F5: variants seen among roughly 807,000 people sequenced by gnomAD.
F5 encodes the protein coagulation factor V.
In F5, 138 loss-of-function variants were observed where a neutral mutation model predicts 216.4. The ratio of observed to expected loss-of-function variants is 0.64; its 90% CI spans 0.56 to 0.73. The LOEUF (loss-of-function observed/expected upper bound fraction) is 0.73, where lower values mean the gene tolerates loss of function less well. F5 is among the 30% of genes least tolerant of loss of function. The probability of loss-of-function intolerance (pLI) is 0.00; values close to 1 mark genes in which losing one functional copy is unlikely to be tolerated. For missense variants in F5, 2,403 were observed against 2,674.0 expected, an observed-to-expected ratio of 0.90 and a Z score of 2.24; for synonymous variants, 916 against 930.7, an observed-to-expected ratio of 0.98 and a Z score of 0.29.
chr1:169,561,170 C>CAG (rs1660476656), intron 3 of F5, among the ~76,000 whole-genome samples: 1 of 152,028 alleles, frequency 6.6e-6, no homozygotes, highest in African/African-American at 2.4e-5. Flanking sequence ...GGAGGATAGT[C>CAG]AGAGCTGTTT....
At chr1:169,544,914 GC>G (rs1449123893) in intron 11 of F5, among the ~76,000 whole-genome samples, 3 of 152,122 alleles carry the variant, frequency 2.0e-5, no homozygotes, top group African/African-American at 7.2e-5. Flanking sequence ...TAAAAATAAA[GC>G]CCATTTAGCA....
Position 169,549,849 on chromosome 1 carries a change from T to C in F5, c.1563A>G (p.Gly521=), listed in dbSNP as rs1404089773. The C allele has an allele frequency of 1.4e-5, 23 of 1,614,106 alleles. No individual in the cohort carries two copies. The East Asian group carries it at 4.9e-4, about 34-fold the overall frequency. Residue 521 remains glycine (G), a synonymous_variant, in exon 10 of 25, where the codon GGA becomes GGG. Transcript: ENST00000367797. ...ATCTGCTCTTACAGATTAGAAGTAGTCCTATTAGCCCAGAGGCGATGTCTC... is the reference window on the plus strand; with the variant it reads ...ATCTGCTCTTACAGATTAGAAGTAGCCCTATTAGCCCAGAGGCGATGTCTC... ...IMRDIASGLI[G]LLLICKSRSL...
chr1:169,570,294 C>A (rs1271957505), intron 3 of F5, among the ~76,000 whole-genome samples: 3 of 152,112 alleles, frequency 2.0e-5, no homozygotes, highest in African/African-American at 7.2e-5. Flanking sequence ...AGGTAGGGTC[C>A]AAAGTCTACA....
chr1:169,536,903 T>G (rs1011075783), intron 13 of F5, among the ~76,000 whole-genome samples: 2 of 152,038 alleles, frequency 1.3e-5, no homozygotes, highest in Non-Finnish European at 2.9e-5. Flanking sequence ...CCTATGACCT[T>G]TTAGACTAGG....
rs756075594 is a variant in F5 at position 169,515,441 on chromosome 1, T to G, written c.6528+3A>C. On this transcript the variant is annotated splice_donor_region_variant and intron_variant, in intron 24 of 24. Transcript: ENST00000367797. ...CTTTCTCTTTGCCCAGATGCCACTC[T>G]ACCTTGTCCACCATGGAGGATTTCA... is the stretch of plus-strand genomic sequence containing the variant. The G allele has an allele frequency of 8.1e-6, 13 of 1,612,978 alleles. No homozygotes were observed. The highest frequency in any genetic ancestry group is 1.0e-5 in the Non-Finnish European group (12 of 1,179,502).
Position 169,540,447 on chromosome 1 carries a change from T to A in F5, c.4643A>T (p.Asp1548Val), listed in dbSNP as rs750707854. The A allele has an allele frequency of 6.2e-7, 1 of 1,613,902 alleles. No homozygotes were observed. The highest frequency in any genetic ancestry group is 2.2e-5 in the East Asian group (1 of 44,872). Residue 1548 changes from aspartate to valine, a missense_variant, in exon 13 of 25, where the codon GAC becomes GTC. Asp to Val is a radical substitution (Grantham distance 152). Transcript: ENST00000367797. Reference protein sequence around the residue: ...YAEIDYVPYDDPYKTDVRTNI... With the variant: ...YAEIDYVPYDVPYKTDVRTNI... ...TGTCCTAACATCAGTTTTGTAGGGG[T>A]CATCATAGGGCACATAATCAATTTC... is the stretch of plus-strand genomic sequence containing the variant.
chr1:169,531,084 G>C, intron 14 of F5, 62 bp from the exon 15 acceptor site: 1 of 1,267,458 alleles, frequency 7.9e-7, no homozygotes, highest in Admixed American at 1.7e-5. Context: ...CCACAAAAAT[G>C]TCAGCATTAT....
chr1:169,557,822 A>G (rs1660368014), intron 5 of F5, among the ~76,000 whole-genome samples: 1 of 152,148 alleles, frequency 6.6e-6, no homozygotes, highest in South Asian at 2.1e-4. Flanking sequence ...GCGTTTATCC[A>G]TGCCAAAGAA....
In F5 at chr1:169,529,890, T is replaced by C. The variant is rs113269298; in HGVS notation, c.5209-72A>G. ...TTGCTCTTCTGATAATCACTCATCATATAGAAAAGGAAACTTTCTGATAGG... is the reference window on the plus strand; with the variant it reads ...TTGCTCTTCTGATAATCACTCATCACATAGAAAAGGAAACTTTCTGATAGG... On this transcript the variant is annotated intron_variant, in intron 15 of 24. Coordinates refer to ENST00000367797, the MANE Select transcript of F5 (RefSeq NM_000130.5). 147 of 1,299,522 alleles carry C rather than the reference T, an allele frequency of 1.1e-4. 1 individual carries two copies. In the African/African-American group the frequency reaches 1.9e-3, roughly 17 times the overall value. The allele number at this position is 1,299,522 out of a possible 1,614,324, so 80.5% of individuals were successfully genotyped here.
At chr1:169,533,101 A>T (rs1445556592) in intron 14 of F5, among the ~76,000 whole-genome samples, 2 of 152,154 alleles carry the variant, frequency 1.3e-5, no homozygotes, top group Non-Finnish European at 2.9e-5. Flanking sequence ...GAACTTTGAC[A>T]AAGTCAACAA....
intron 4 of F5, 64 bp from the exon 5 acceptor site, chr1:169,559,360 G>C (rs1557925537): frequency 8.4e-6 from 13 of 1,553,222 alleles, no homozygotes; most frequent in Non-Finnish European, 9.8e-6. Flanking sequence ...AGCTTTCCTG[G>C]ATAGCAAAGA....
rs35536147 is a variant in F5 at position 169,567,383 on chromosome 1, TA to T, written c.373+4837del. On this transcript the variant is annotated intron_variant, in intron 3 of 24. Transcript: ENST00000367797. ...ATGTACCCTAAAACTTAAAGTATAA[TA>T]AAAAAAAATCTCCCAAAGGCCCCAC... 2.3e-3 allele frequency among the ~76,000 whole-genome samples: 343 copies of T among 150,626 alleles called. 2 individuals carry two copies. Among genetic ancestry groups the T allele is most frequent in the African/African-American group, 7.8e-3 (319 of 40,912 alleles).
In F5 at chr1:169,544,524, C is replaced by G. The variant is rs528213970; in HGVS notation, c.1763-16G>C. 20 of 1,609,582 alleles carry G rather than the reference C, an allele frequency of 1.2e-5. No homozygotes were observed. In the Middle Eastern group the frequency reaches 5.0e-4, roughly 40 times the overall value. ...CCATTGATAGCTGAAAGTGTAAAAT[C>G]TGTTAAAATTCCAAGTCTATGCCAA... On this transcript the variant is annotated splice_polypyrimidine_tract_variant and intron_variant, in intron 11 of 24. Coordinates refer to ENST00000367797, the MANE Select transcript of F5 (RefSeq NM_000130.5).
Position 169,559,139 on chromosome 1 carries a change from A to G in F5, c.730+14T>C. On this transcript the variant is annotated intron_variant, in intron 5 of 24. Coordinates refer to ENST00000367797, the MANE Select transcript of F5 (RefSeq NM_000130.5). ...ATTTTACTGTTGTTTAATGGTACAC[A>G]GCCCTCGTGTTACCTGGCATTGTCC... 1 of 1,613,634 alleles carries G rather than the reference A, an allele frequency of 6.2e-7. No individual in the cohort carries two copies. Among genetic ancestry groups the G allele is most frequent in the South Asian group, 1.1e-5 (1 of 91,076 alleles).
Position 169,530,783 on chromosome 1 carries a change from T to C in F5, c.5208+3A>G. ...GAGAAAAACTTTCAATGAAAGTACC[T>C]ACTGGGTTCACAGCTGAGTAGTAGG... On this transcript the variant is annotated splice_donor_region_variant and intron_variant, in intron 15 of 24. Transcript: ENST00000367797. 1 of 1,613,398 alleles carries C rather than the reference T, an allele frequency of 6.2e-7. No homozygotes were observed.
chr1:169,518,170 T>C (rs1168727760), intron 23 of F5, among the ~76,000 whole-genome samples: 3 of 152,188 alleles, frequency 2.0e-5, no homozygotes, highest in East Asian at 1.9e-4. Context: ...AATTTGCTTA[T>C]TATTGGTTTA....
Position 169,530,898 on chromosome 1 carries a change from G to T in F5, c.5096C>A (p.Ala1699Asp). ...GGTATAACTGCTATTTGGCTGAACA[G>T]CATTATCTTCCTTAAACCATTCAGG... ...DSPEWFKEDN[A>D]VQPNSSYTYV... is the part of the protein sequence containing the mutation. The change falls in exon 15 of 25, where the codon GCT (alanine) becomes GAT (aspartate). Residue 1699 changes from alanine (A) to aspartate (D), a missense_variant. Coordinates refer to ENST00000367797, the MANE Select transcript of F5 (RefSeq NM_000130.5). 1 of 1,613,944 alleles carries T rather than the reference G, an allele frequency of 6.2e-7. No homozygotes were observed. The highest frequency in any genetic ancestry group is 8.5e-7 in the Non-Finnish European group (1 of 1,179,856).
chr1:169,552,093 C>G (rs914166321), intron 8 of F5, among the ~76,000 whole-genome samples: 1 of 152,180 alleles, frequency 6.6e-6, no homozygotes, highest in Non-Finnish European at 1.5e-5. Flanking sequence ...ATGCCATCTA[C>G]TGTATCACTC....
rs6033 is a variant in F5, at chr1:169,552,615, A to G, written c.1238T>C (p.Met413Thr). ...SFTKHTVNPN[M>T]KEDGILGPII... ...AGGACCCAAAATCCCATCTTCTTTC[A>G]TATTGGGATTCACTGTATGTTTGGT... Residue 413 changes from methionine (M) to threonine (T), a missense_variant, in exon 8 of 25, where the codon ATG (methionine) becomes ACG (threonine). Met to Thr is a moderately conservative substitution (Grantham distance 81). Around this residue, in one of 4 missense-constraint regions of F5, gnomAD observed 1,425 missense variants for 1,554.8 expected, o/e 0.92. Coordinates refer to ENST00000367797, the MANE Select transcript of F5 (RefSeq NM_000130.5). 118,742 of 1,613,272 alleles carry G rather than the reference A, an allele frequency of 0.074. 4,955 individuals carry two copies. Among genetic ancestry groups the G allele is most frequent in the Admixed American group, 0.1 (6,037 of 60,008 alleles).
Sources: allele counts gnomAD v4.1 joint callset (sites outside exome capture counted in the v4.1 genomes callset), GRCh38; gene constraint gnomAD v4.1.1; regional missense constraint gnomAD v4.1.1; transcripts MANE v1.5; gene names NCBI Gene and HGNC (gene_info 2026-07-23, HGNC 2026-07-21).